SLC15A1: variants seen among roughly 807,000 people sequenced by gnomAD.
SLC15A1 encodes the protein solute carrier family 15 member 1.
A neutral mutation model predicts 92.9 loss-of-function variants in SLC15A1; 83 were observed. That is an observed-to-expected ratio of 0.89 (90% CI 0.75 to 1.07). SLC15A1 has a LOEUF of 1.07. SLC15A1 is among the 50% of genes least tolerant of loss of function. SLC15A1 has a pLI of 0.00. For synonymous variants in SLC15A1, 322 were observed against 318.2 expected (o/e 1.01, Z -0.13); for missense variants, 857 against 880.1 (o/e 0.97, Z 0.33).
chr13:98,707,405 A>T (rs1429129672), intron 15 of SLC15A1, among the ~76,000 whole-genome samples: 1 of 152,240 alleles, frequency 6.6e-6, no homozygotes, highest in East Asian at 1.9e-4. Flanking sequence ...ACAAAAGGAC[A>T]AATACCATAT....
Position 98,704,286 on chromosome 13 carries a change from T to A in SLC15A1, c.1416+3A>T, listed in dbSNP as rs2088093523. 1 of 1,596,156 alleles carries A rather than the reference T, an allele frequency of 6.3e-7. No homozygotes were observed. Among genetic ancestry groups the A allele is most frequent in the Non-Finnish European group, 8.5e-7 (1 of 1,173,834 alleles). ...AGTCAGCTGTAGGTCTTCACACACT[T>A]ACCACCTGGTAGTGATTGGGGGCCC... is the stretch of plus-strand genomic sequence containing the variant. On this transcript the variant is annotated splice_donor_region_variant and intron_variant, in intron 17 of 22. Coordinates refer to ENST00000376503, the MANE Select transcript of SLC15A1 (RefSeq NM_005073.4).
chr13:98,687,411 C>T (rs1255836748), intron 21 of SLC15A1, among the ~76,000 whole-genome samples, 170 bp downstream of exon 21: 1 of 152,158 alleles, frequency 6.6e-6, no homozygotes, highest in Non-Finnish European at 1.5e-5. Context: ...AATTCTTATT[C>T]ACTAAGGACA....
intron 18 of SLC15A1, among the ~76,000 whole-genome samples, chr13:98,689,713 G>A (rs1259713522): frequency 2.0e-5 from 3 of 152,192 alleles, no homozygotes; most frequent in African/African-American, 7.2e-5. Flanking sequence ...GCCTCCCAAA[G>A]CACTGGGATT....
intron 17 of SLC15A1, 68 bp downstream of exon 17, chr13:98,704,221 A>G (rs2088092773): frequency 1.4e-6 from 2 of 1,465,766 alleles, no homozygotes; most frequent in Non-Finnish European, 1.8e-6. Flanking sequence ...ACAAAGTCAC[A>G]CCATAAAAAT....
At chr13:98,722,965 T>C (rs1395436839) in intron 5 of SLC15A1, among the ~76,000 whole-genome samples, 1 of 152,126 alleles carries the variant, frequency 6.6e-6, no homozygotes, top group African/African-American at 2.4e-5. Flanking sequence ...CCCACAACAG[T>C]CCTACACGAA....
chr13:98,752,489 T>A (rs4646208), intron 1 of SLC15A1, 106 bp downstream of exon 1: 606,097 of 1,097,466 alleles, frequency 0.55, 180,440 homozygotes, highest in Non-Finnish European at 0.62. Context: ...GTCGCCCCGC[T>A]TCCCGCCGCC....
chr13:98,689,380 C>T (rs966909118), intron 18 of SLC15A1, among the ~76,000 whole-genome samples: 1 of 152,196 alleles, frequency 6.6e-6, no homozygotes, highest in Non-Finnish European at 1.5e-5. Context: ...CTCTAGGAGC[C>T]TCAGGTGGGG....
In SLC15A1 at chr13:98,724,557, C is replaced by T. The variant is rs574560430; in HGVS notation, c.246-526G>A. On this transcript the variant is annotated intron_variant, in intron 4 of 22. Coordinates refer to ENST00000376503, the MANE Select transcript of SLC15A1 (RefSeq NM_005073.4). ...AGAGGGCCAGGAGAGGGGAAAGATC[C>T]GCCTCCTGGGTTAACACCATTCTCC... 1.4e-4 allele frequency among the ~76,000 whole-genome samples: 22 copies of T among 152,250 alleles called. No individual in the cohort carries two copies. In the South Asian group the frequency reaches 1.5e-3, roughly 10 times the overall value.
chr13:98,689,138 C>A (rs534352953), intron 18 of SLC15A1, among the ~76,000 whole-genome samples: 1 of 152,322 alleles, frequency 6.6e-6, no homozygotes, highest in South Asian at 2.1e-4. Context: ...TGGGGTTTCG[C>A]CATGTTGGCC....
At chr13:98,689,310 G>A (rs1019651225) in intron 18 of SLC15A1, among the ~76,000 whole-genome samples, 3 of 152,164 alleles carry the variant, frequency 2.0e-5, no homozygotes, top group Non-Finnish European at 4.4e-5. Flanking sequence ...ATAGACCCCA[G>A]TTCCTAAACG....
chr13:98,745,847 GT>G (rs57621890), intron 1 of SLC15A1, among the ~76,000 whole-genome samples: 12 of 150,138 alleles, frequency 8.0e-5, no homozygotes, highest in East Asian at 3.9e-4. Flanking sequence ...ATGTATTTTT[GT>G]TTTTTTTTTA....
At chr13:98,723,823 G>C (rs1381842568) in intron 5 of SLC15A1, 89 bp downstream of exon 5, 2 of 1,571,302 alleles carry the variant, frequency 1.3e-6, no homozygotes, top group African/African-American at 2.7e-5. Context: ...TATGCTCTCA[G>C]TGAAGTTCAA....
chr13:98,699,769 A>C (rs1052480625), intron 18 of SLC15A1, among the ~76,000 whole-genome samples: 1 of 152,200 alleles, frequency 6.6e-6, no homozygotes, highest in Non-Finnish European at 1.5e-5. Context: ...TATCCTCACC[A>C]ACACTTGGTA....
chr13:98,698,849 C>T (rs1485559313), intron 18 of SLC15A1, among the ~76,000 whole-genome samples: 1 of 152,048 alleles, frequency 6.6e-6, no homozygotes, highest in East Asian at 1.9e-4. Context: ...TTATTGCCAA[C>T]TAGTAAAAGC....
intron 7 of SLC15A1, chr13:98,721,281 C>T: frequency 1.5e-6 from 1 of 679,708 alleles, no homozygotes; most frequent in Non-Finnish European, 2.8e-6. Flanking sequence ...CTTAGACTCT[C>T]CAGTGGTCAC....
chr13:98,744,115 C>T (rs1420630271), intron 1 of SLC15A1, among the ~76,000 whole-genome samples: 1 of 151,974 alleles, frequency 6.6e-6, no homozygotes, highest in Non-Finnish European at 1.5e-5. Context: ...GTGGCACGTG[C>T]CTGTAGTCCC....
chr13:98,687,695 A>G lies in SLC15A1; in HGVS notation c.1713T>C (p.Phe571=), dbSNP rs1414445673. 2.5e-6 allele frequency: 4 copies of G among 1,614,050 alleles called. No individual in the cohort carries two copies. In the Admixed American group the frequency reaches 5.0e-5, roughly 20 times the overall value. The change falls in exon 21 of 23, where the codon TTT becomes TTC. Residue 571 remains phenylalanine, a synonymous_variant. Transcript: ENST00000376503. The part of the protein sequence containing the change: ...KNDSCPEVKV[F]EDISANTVNM... ...TAACTGTGTTGGCTGAAATATCTTC[A>G]AACACCTTCACTTCAGGGCAGCTGT...
intron 1 of SLC15A1, among the ~76,000 whole-genome samples, chr13:98,748,174 C>T (rs888450906): frequency 6.6e-5 from 10 of 152,172 alleles, no homozygotes; most frequent in African/African-American, 1.2e-4. Flanking sequence ...TTATTTTTAT[C>T]CTCACATGGT....
chr13:98,750,194 C>T (rs1374299736), intron 1 of SLC15A1, among the ~76,000 whole-genome samples: 2 of 151,972 alleles, frequency 1.3e-5, no homozygotes, highest in Admixed American at 6.6e-5. Context: ...CTCACTGCAA[C>T]CTCTGCCTCC....
Sources: gnomAD v4.1 joint callset for allele counts (sites outside exome capture counted in the v4.1 genomes callset) on GRCh38, gnomAD v4.1.1 for gene constraint, MANE v1.5 for transcripts, NCBI Gene and HGNC (gene_info 2026-07-23, HGNC 2026-07-21) for gene names.